Variants in PRKAR1B observed in about 807,000 individuals in gnomAD.
The protein encoded by PRKAR1B is cAMP-dependent protein kinase type I-beta regulatory subunit.
PRKAR1B carries 22 observed loss-of-function variants against 46.5 expected under a neutral mutation model. The observed-to-expected ratio is 0.47, with a 90% CI of 0.34 to 0.68. The LOEUF (loss-of-function observed/expected upper bound fraction) is 0.68, where lower values mean the gene tolerates loss of function less well. Among genes scored for constraint, PRKAR1B ranks in the 30% least tolerant of loss-of-function variants. The pLI, the probability that PRKAR1B is intolerant of heterozygous loss-of-function variation, is 0.01. For missense variants in PRKAR1B, 445 were observed against 535.6 expected (o/e 0.83, Z 1.67); for synonymous variants, 259 against 217.7 (o/e 1.19, Z -1.67).
chr7:563,022 A>G (rs1019166946), intron 9 of PRKAR1B, among the ~76,000 whole-genome samples: 1 of 151,978 alleles, frequency 6.6e-6, no homozygotes, highest in East Asian at 1.9e-4. Flanking sequence ...CGCTGATGAA[A>G]TCTCCACTGT....
Position 723,041 on chromosome 7 carries a change from G to C in PRKAR1B, c.-23+4169C>G, listed in dbSNP as rs1008560575. Among the ~76,000 whole-genome samples, 18 of 152,274 alleles carry C rather than the reference G, an allele frequency of 1.2e-4. No homozygotes were observed. The East Asian group carries it at 3.5e-3, about 29-fold the overall frequency. ...TGGGTGCTGCCTGCAGGGGTGAAAG[G>C]TACCTCCCTGGGCCGCCTGGTGTCA... On this transcript the variant is annotated intron_variant, in intron 1 of 10. Transcript: ENST00000537384.
chr7:700,317 A>T (rs776349822), intron 2 of PRKAR1B, among the ~76,000 whole-genome samples: 1 of 152,236 alleles, frequency 6.6e-6, no homozygotes, highest in Admixed American at 6.5e-5. Flanking sequence ...CAAGGATGAG[A>T]GAGAACTTGC....
rs563500244 is a variant in PRKAR1B at position 693,438 on chromosome 7, G to A, written c.178-12712C>T. ...ACCCGCCCCAGCCCCCGACAGCCCC[G>A]AATCGACTTCCTGTCTCTGTGCAAC... On this transcript the variant is annotated intron_variant, in intron 2 of 10. Coordinates refer to ENST00000537384, the MANE Select transcript of PRKAR1B (RefSeq NM_001164760.2). Among the ~76,000 whole-genome samples the A allele has an allele frequency of 1.4e-3, 197 of 142,612 alleles. 2 individuals carry two copies. Among genetic ancestry groups the A allele is most frequent in the African/African-American group, 4.8e-3 (189 of 39,094 alleles). 93.6% of individuals were successfully genotyped at this position (142,612 alleles called of 152,430 possible). A position where few individuals can be genotyped will look rare whatever the true frequency, so the allele number is the denominator to read the frequency against.
chr7:701,389 A>T (rs992608629), intron 2 of PRKAR1B, among the ~76,000 whole-genome samples: 6 of 152,168 alleles, frequency 3.9e-5, no homozygotes, highest in Non-Finnish European at 7.4e-5. Flanking sequence ...GACTTGCGGG[A>T]AAATATTTTA....
chr7:663,884 A>G (rs974745287), intron 4 of PRKAR1B, among the ~76,000 whole-genome samples: 7 of 152,172 alleles, frequency 4.6e-5, no homozygotes, highest in Non-Finnish European at 7.4e-5. Flanking sequence ...CTCATTCTGC[A>G]GGGAGCAGAC....
At chr7:615,674 A>G (rs1479742275) in intron 4 of PRKAR1B, among the ~76,000 whole-genome samples, 4 of 150,324 alleles carry the variant, frequency 2.7e-5, no homozygotes, top group Non-Finnish European at 5.9e-5. Context: ...AAATACAAAA[A>G]AAAATTAGCC....
chr7:713,655 A>G (rs776351517), intron 1 of PRKAR1B, among the ~76,000 whole-genome samples: 30 of 151,734 alleles, frequency 2.0e-4, no homozygotes, highest in Non-Finnish European at 3.8e-4. Flanking sequence ...TCTCTCACTC[A>G]GCCCTCCCAT....
At chr7:574,959 G>A (rs542822941) in intron 9 of PRKAR1B, among the ~76,000 whole-genome samples, 4 of 152,334 alleles carry the variant, frequency 2.6e-5, no homozygotes, top group South Asian at 2.1e-4. Context: ...GCGGTGGAGC[G>A]GCCGGGAGAG....
At chr7:647,056 G>T (rs1373128347) in intron 4 of PRKAR1B, among the ~76,000 whole-genome samples, 1 of 152,142 alleles carries the variant, frequency 6.6e-6, no homozygotes. Flanking sequence ...GGGAAGAAAG[G>T]GGCATGGGAC....
chr7:725,824 G>A (rs76104416), intron 1 of PRKAR1B, among the ~76,000 whole-genome samples: 23,786 of 152,182 alleles, frequency 0.16, 2,363 homozygotes, highest in Middle Eastern at 0.29. Flanking sequence ...TTCAGGCTCT[G>A]CATTCTGATG....
intron 9 of PRKAR1B, chr7:561,842 T>TGGGAA (rs1039083438): frequency 6.6e-6 from 1 of 152,016 alleles, no homozygotes; most frequent in African/African-American, 2.4e-5. Flanking sequence ...GGGCTTGGGG[T>TGGGAA]GGGAACAGGT....
intron 1 of PRKAR1B, among the ~76,000 whole-genome samples, chr7:722,571 C>T (rs1194933384): frequency 6.6e-6 from 1 of 151,362 alleles, no homozygotes; most frequent in African/African-American, 2.4e-5. Flanking sequence ...GGGGTTTCAC[C>T]ATGTTGTCCA....
At chr7:658,922 G>T (rs917428989) in intron 4 of PRKAR1B, among the ~76,000 whole-genome samples, 1 of 152,112 alleles carries the variant, frequency 6.6e-6, no homozygotes, top group Non-Finnish European at 1.5e-5. Flanking sequence ...AAATGCTGGG[G>T]TTATAGACAT....
chr7:573,306 T>C (rs1779631357), intron 9 of PRKAR1B, among the ~76,000 whole-genome samples: 1 of 152,182 alleles, frequency 6.6e-6, no homozygotes, highest in Non-Finnish European at 1.5e-5. Context: ...CGCTGTTTTA[T>C]GTGAATCTGC....
chr7:580,744 C>CAAAAAAAAAAAAAAAAAAAAAAAAA (rs754143077), intron 8 of PRKAR1B, among the ~76,000 whole-genome samples: 1 of 117,328 alleles, frequency 8.5e-6, no homozygotes, highest in Non-Finnish European at 1.8e-5. Flanking sequence ...TCTTTTTTGA[C>CAAAAAAAAAAAAAAAAAAAAAAAAA]AAAAAAAAAA....
At chr7:670,011 T>G (rs1381014979) in intron 4 of PRKAR1B, among the ~76,000 whole-genome samples, 1 of 151,204 alleles carries the variant, frequency 6.6e-6, no homozygotes, top group Non-Finnish European at 1.5e-5. Flanking sequence ...GACTACAGGC[T>G]CCTGCCACCA....
At chr7:552,590 C>T (rs1784313950) in intron 9 of PRKAR1B, among the ~76,000 whole-genome samples, 1 of 152,268 alleles carries the variant, frequency 6.6e-6, no homozygotes, top group African/African-American at 2.4e-5. Flanking sequence ...CATCTGAGCA[C>T]CGCGGGACCT....
At chr7:706,926 G>A (rs1255619617) in intron 2 of PRKAR1B, among the ~76,000 whole-genome samples, 1 of 152,208 alleles carries the variant, frequency 6.6e-6, no homozygotes, top group Admixed American at 6.5e-5. Flanking sequence ...TCCTCCATCA[G>A]GGGCTTCTGC....
chr7:639,650 A>G (rs11562104), intron 4 of PRKAR1B, among the ~76,000 whole-genome samples: 24,480 of 152,038 alleles, frequency 0.16, 2,206 homozygotes, highest in South Asian at 0.3. Context: ...AGGAGCTCTC[A>G]GCCTGCCTGG....
Sources: allele counts gnomAD v4.1 joint callset (sites outside exome capture counted in the v4.1 genomes callset), GRCh38; gene constraint gnomAD v4.1.1; transcripts MANE v1.5; gene names NCBI Gene and HGNC (gene_info 2026-07-23, HGNC 2026-07-21).